EEF1A2: variants seen among roughly 807,000 people sequenced by gnomAD.
The protein encoded by EEF1A2 is eukaryotic translation elongation factor 1 alpha 2.
EEF1A2 carries 5 observed loss-of-function variants against 39.3 expected under a neutral mutation model. That is an observed-to-expected ratio of 0.13 (90% CI 0.07 to 0.27). EEF1A2 has a LOEUF of 0.27. Ranked by LOEUF, EEF1A2 falls within the 10% of genes least tolerant of loss-of-function variation. The pLI is 1.00. For missense variants in EEF1A2, 218 were observed against 681.4 expected (o/e 0.32, Z 7.57); for synonymous variants, 287 against 293.7 (o/e 0.98, Z 0.23).
Position 63,488,437 on chromosome 20 carries a change from G to GGGGCGGC in EEF1A2, c.1265-19_1265-13dup, listed in dbSNP as rs2082362815. ...CACGGCGAAGCGGCCTGGGGGGCGG[G>GGGGCGGC]GGGCGGCGTGTGGGCGGGGCCGGAG... On this transcript the variant is annotated splice_polypyrimidine_tract_variant and intron_variant, in intron 7 of 7. Coordinates refer to ENST00000217182, the MANE Select transcript of EEF1A2 (RefSeq NM_001958.5). 2 of 1,436,098 alleles carry GGGGCGGC rather than the reference G, an allele frequency of 1.4e-6. No individual in the cohort carries two copies. The highest frequency in any genetic ancestry group is 9.1e-7 in the Non-Finnish European group (1 of 1,096,458). The allele number at this position is 1,436,098 out of a possible 1,614,324, so 89.0% of individuals were successfully genotyped here.
At position 63,495,721 on chromosome 20, in the gene EEF1A2, G is replaced by C. The variant is rs2082413387; in HGVS notation, c.324+135C>G. The C allele has an allele frequency of 2.5e-5, 28 of 1,108,818 alleles. No homozygotes were observed. The South Asian group carries it at 3.8e-4, about 15-fold the overall frequency. 68.7% of individuals were successfully genotyped at this position (1,108,818 alleles called of 1,614,324 possible). A position where few individuals can be genotyped will look rare whatever the true frequency, so the allele number is the denominator to read the frequency against. ...GCTCTGAGCCAGACTGGGTGAGGGT[G>C]GCCCAGGTGAGGGGTCCCCTGCCCT... On this transcript the variant is annotated intron_variant, in intron 3 of 7. Transcript: ENST00000217182.
rs1197719380 is a variant in EEF1A2, at chr20:63,495,982, C to T, written c.198G>A (p.Glu66=). 2.5e-6 allele frequency: 4 copies of T among 1,613,166 alleles called. No homozygotes were observed. Among genetic ancestry groups the T allele is most frequent in the Non-Finnish European group, 3.4e-6 (4 of 1,179,962 alleles). Reference sequence around the variant, plus strand: ...TGTCGATGGTGATGCCGCGCTCACGCTCCGCCTTCAGCTTGTCCAGCACCC... The same window carrying T: ...TGTCGATGGTGATGCCGCGCTCACGTTCCGCCTTCAGCTTGTCCAGCACCC... ...YAWVLDKLKA[E]RERGITIDIS... is the part of the protein sequence containing the mutation. The change falls in exon 3 of 8, where the codon GAG becomes GAA. Residue 66 remains glutamate, a synonymous_variant. Coordinates refer to ENST00000217182, the MANE Select transcript of EEF1A2 (RefSeq NM_001958.5).
In EEF1A2 at chr20:63,498,073, C is replaced by T. The variant is rs2082426319; in HGVS notation, c.-71-239G>A. On this transcript the variant is annotated intron_variant, in intron 1 of 7. Transcript: ENST00000217182. The surrounding 1 kb of genome is among the most constrained non-coding windows in gnomAD (Gnocchi z 4.1). The stretch of plus-strand genomic sequence containing the variant: ...GCCCCATCTGCTGTAAATAACTGGG[C>T]GTTGGAGCCCGCGGGCTGCTCCTTG... 1.1e-5 allele frequency: 3 copies of T among 268,742 alleles called. No individual in the cohort carries two copies. Among genetic ancestry groups the T allele is most frequent in the South Asian group, 8.1e-5 (1 of 12,358 alleles). 16.6% of individuals were successfully genotyped at this position (268,742 alleles called of 1,614,324 possible). A position where few individuals can be genotyped will look rare whatever the true frequency, so the allele number is the denominator to read the frequency against.
At chr20:63,492,537 G>GATGGATGGGTGGGGAC (rs2082392622) in intron 5 of EEF1A2, among the ~76,000 whole-genome samples, 1 of 151,500 alleles carries the variant, frequency 6.6e-6, no homozygotes. Context: ...TGGATGGAAG[G>GATGGATGGGTGGGGAC]ATGGATGGAT....
At position 63,489,015 on chromosome 20, in the gene EEF1A2, G is replaced by A; in HGVS notation, c.1167C>T (p.Asp389=). ...CTCCAGACTTCAGGGACTTGGGGTTGTCCTCCAGCTTCTTGCCAGAGCGCC... is the reference window on the plus strand; with the variant it reads ...CTCCAGACTTCAGGGACTTGGGGTTATCCTCCAGCTTCTTGCCAGAGCGCC... ...IDRRSGKKLE[D]NPKSLKSGDA... The change falls in exon 7 of 8, where the codon GAC becomes GAT. Residue 389 remains aspartate, a synonymous_variant. Coordinates refer to ENST00000217182, the MANE Select transcript of EEF1A2 (RefSeq NM_001958.5). 11 of 1,612,752 alleles carry A rather than the reference G, an allele frequency of 6.8e-6. No individual in the cohort carries two copies. Among genetic ancestry groups the A allele is most frequent in the Non-Finnish European group, 9.3e-6 (11 of 1,179,932 alleles).
At chr20:63,495,146 AG>A in intron 3 of EEF1A2, 45 bp from the exon 4 acceptor site, 2 of 1,588,966 alleles carry the variant, frequency 1.3e-6, no homozygotes, top group Non-Finnish European at 1.7e-6. Flanking sequence ...CCTGCCTGGC[AG>A]GGGACAGAGC....
chr20:63,495,075 C>A lies in EEF1A2; in HGVS notation c.351G>T (p.Ala117=). The A allele has an allele frequency of 6.2e-7, 1 of 1,611,700 alleles. No homozygotes were observed. Among genetic ancestry groups the A allele is most frequent in the African/African-American group, 1.3e-5 (1 of 75,054 alleles). Residue 117 remains alanine (A), a synonymous_variant, in exon 4 of 8, where the codon GCG becomes GCT. Transcript: ENST00000217182. ...SQADCAVLIV[A]AGVGEFEAGI... The stretch of plus-strand genomic sequence containing the variant: ...CCGCCTCGAACTCGCCCACGCCCGC[C>A]GCCACGATCAGCACTGCGCAGTCCG...
intron 2 of EEF1A2, 162 bp from the exon 3 acceptor site, chr20:63,496,197 G>A (rs1241096367): frequency 1.9e-5 from 16 of 833,716 alleles, no homozygotes; most frequent in East Asian, 2.7e-5. Context: ...CCCCTCCGTC[G>A]GGACCCCACA....
In EEF1A2 at chr20:63,497,590, G is replaced by A. The variant is rs1309428168; in HGVS notation, c.144+30C>T. ...ACGGGAGTTGGGGGTTCCTTCTCAG[G>A]GGGCCAAGACCATAGCCTGGGGAGC... On this transcript the variant is annotated intron_variant, in intron 2 of 7. Coordinates refer to ENST00000217182, the MANE Select transcript of EEF1A2 (RefSeq NM_001958.5). The surrounding 1 kb of genome is among the most constrained non-coding windows in gnomAD (Gnocchi z 7.3). 9 of 1,594,662 alleles carry A rather than the reference G, an allele frequency of 5.6e-6. No homozygotes were observed. The highest frequency in any genetic ancestry group is 3.4e-5 in the South Asian group (3 of 88,868).
At chr20:63,496,678 C>G (rs565406927) in intron 2 of EEF1A2, 1 of 153,408 alleles carries the variant, frequency 6.5e-6, no homozygotes, top group African/African-American at 2.4e-5. Context: ...CGGTCACTAC[C>G]CAGCTGGGCA....
At chr20:63,495,152 CA>C in intron 3 of EEF1A2, 51 bp from the exon 4 acceptor site, 1 of 1,579,326 alleles carries the variant, frequency 6.3e-7, no homozygotes, top group South Asian at 1.1e-5. Flanking sequence ...TGGCAGGGGA[CA>C]GAGCGAGCCT....
At position 63,497,957 on chromosome 20, in the gene EEF1A2, G is replaced by C. The variant is rs1159680179; in HGVS notation, c.-71-123C>G. The C allele has an allele frequency of 5.5e-6, 4 of 733,630 alleles. No homozygotes were observed. Among genetic ancestry groups the C allele is most frequent in the Non-Finnish European group, 8.3e-6 (4 of 481,990 alleles). 45.4% of individuals were successfully genotyped at this position (733,630 alleles called of 1,614,324 possible). A position where few individuals can be genotyped will look rare whatever the true frequency, so the allele number is the denominator to read the frequency against. On this transcript the variant is annotated intron_variant, in intron 1 of 7. Transcript: ENST00000217182. The surrounding 1 kb of genome is among the most constrained non-coding windows in gnomAD (Gnocchi z 7.3). ...CCCACAAACCAAGCCCCCATGTTTG[G>C]TGGGGAGGGAAGGGCCCCCACCCAC... is the stretch of plus-strand genomic sequence containing the variant.
At position 63,493,190 on chromosome 20, in the gene EEF1A2, C is replaced by A; in HGVS notation, c.719G>T (p.Arg240Leu). The change falls in exon 5 of 8, where the codon CGC becomes CTC. Residue 240 changes from arginine (R) to leucine (L), a missense_variant. Arg to Leu is a moderately radical substitution (Grantham distance 102). Transcript: ENST00000217182. ...CAGGCGCAGGGGCTTGTCCGTGGGG[C>A]GCGTGGGGGGCAGGATGGTGTCCAG... ...EALDTILPPT[R>L]PTDKPLRLPL... is the part of the protein sequence containing the mutation. The A allele has an allele frequency of 6.5e-7, 1 of 1,548,702 alleles. No individual in the cohort carries two copies. Among genetic ancestry groups the A allele is most frequent in the Non-Finnish European group, 8.7e-7 (1 of 1,145,970 alleles).
chr20:63,493,943 G>A (rs192313540), intron 4 of EEF1A2, among the ~76,000 whole-genome samples: 1 of 152,356 alleles, frequency 6.6e-6, no homozygotes, highest in East Asian at 1.9e-4. Context: ...GCCTCCCTGG[G>A]GAGGGGAGAG....
chr20:63,488,453 G>A (rs1337310749), intron 7 of EEF1A2, 28 bp from the exon 8 acceptor site: 6 of 1,402,146 alleles, frequency 4.3e-6, no homozygotes, highest in Middle Eastern at 2.5e-4. Context: ...GCGTGTGGGC[G>A]GGGCCGGAGG....
intron 5 of EEF1A2, among the ~76,000 whole-genome samples, chr20:63,491,766 GTGGATGGA>G (rs534300652): frequency 2.0e-5 from 3 of 147,260 alleles, no homozygotes; most frequent in African/African-American, 5.0e-5. Flanking sequence ...GGATGGATTG[GTGGATGGA>G]TGGATGGATG....
intron 5 of EEF1A2, among the ~76,000 whole-genome samples, chr20:63,492,535 A>AGGAG (rs2082392519): frequency 2.0e-5 from 1 of 50,926 alleles, no homozygotes; most frequent in South Asian, 7.4e-4. Flanking sequence ...GATGGATGGA[A>AGGAG]GGATGGATGG....
chr20:63,495,505 T>C (rs1165025859), intron 3 of EEF1A2, among the ~76,000 whole-genome samples: 1 of 152,146 alleles, frequency 6.6e-6, no homozygotes, highest in Non-Finnish European at 1.5e-5. Flanking sequence ...TGAAATGTCA[T>C]ACAGTCTACA....
intron 5 of EEF1A2, among the ~76,000 whole-genome samples, chr20:63,492,390 G>GGAGATGGATGGA (rs769905403): frequency 0.13 from 16,381 of 126,742 alleles, 21 homozygotes; most frequent in Admixed American, 0.2. Context: ...GGATGGGTGG[G>GGAGATGGATGGA]TAGATGGATG....
Sources: allele counts gnomAD v4.1 joint callset (sites outside exome capture counted in the v4.1 genomes callset), GRCh38; gene constraint gnomAD v4.1.1; non-coding constraint Gnocchi (gnomAD v3.1); transcripts MANE v1.5; gene names NCBI Gene and HGNC (gene_info 2026-07-23, HGNC 2026-07-21).